The following ASRGL1 variants were observed in gnomAD, a reference collection of about 807,000 sequenced individuals.
ASRGL1 encodes the protein asparaginase and isoaspartyl peptidase 1.
Under a neutral mutation model 22.4 loss-of-function variants are expected in ASRGL1, and 16 were observed. That is an observed-to-expected ratio of 0.71 (90% CI 0.48 to 1.08). The LOEUF is 1.08. Among genes scored for constraint, ASRGL1 ranks in the 50% least tolerant of loss-of-function variants. The pLI is 0.00. For missense variants in ASRGL1, 412 were observed against 410.1 expected, an observed-to-expected ratio of 1.00 and a Z score of -0.04; for synonymous variants, 165 against 159.3, an observed-to-expected ratio of 1.04 and a Z score of -0.27.
intron 4 of ASRGL1, among the ~76,000 whole-genome samples, chr11:62,378,033 T>G (rs1565170800): frequency 1.3e-5 from 2 of 152,202 alleles, no homozygotes; most frequent in African/African-American, 4.8e-5. Flanking sequence ...TTTTACTATT[T>G]AAATCTGGGT....
chr11:62,398,785 C>A, the ASRGL1 span, among the ~76,000 whole-genome samples: 3 of 152,236 alleles, frequency 2.0e-5, no homozygotes, highest in African/African-American at 7.2e-5. Context: ...GTTGTCTTAT[C>A]TCTGGCTTTG....
At chr11:62,347,436 A>C (rs114863445) in intron 2 of ASRGL1, among the ~76,000 whole-genome samples, 1 of 152,148 alleles carries the variant, frequency 6.6e-6, no homozygotes, top group Admixed American at 6.5e-5. Flanking sequence ...TTCCCTGGCA[A>C]CCAGCTCCCC....
chr11:62,386,289 T>C (rs1424239281), intron 4 of ASRGL1, among the ~76,000 whole-genome samples: 2 of 152,210 alleles, frequency 1.3e-5, no homozygotes, highest in Non-Finnish European at 2.9e-5. Flanking sequence ...GCGGTTTCAC[T>C]TTCTGTGCTT....
At position 62,365,074 on chromosome 11, in the gene ASRGL1, A is replaced by G. The variant is rs865833553; in HGVS notation, c.491+7930A>G. ...ACAAGCAAAACTCCATCTCAAAAAAAAAAAAAAAGAAAGAAACATTGAATA... is the reference window on the plus strand; with the variant it reads ...ACAAGCAAAACTCCATCTCAAAAAAGAAAAAAAAGAAAGAAACATTGAATA... On this transcript the variant is annotated intron_variant, in intron 4 of 6. Transcript: ENST00000415229. 5.3e-4 allele frequency among the ~76,000 whole-genome samples: 80 copies of G among 151,890 alleles called. No individual in the cohort carries two copies. In the Middle Eastern group the frequency reaches 0.014, roughly 26 times the overall value.
intron 4 of ASRGL1, among the ~76,000 whole-genome samples, chr11:62,385,848 G>A (rs769381199): frequency 2.7e-4 from 41 of 151,396 alleles, no homozygotes; most frequent in Non-Finnish European, 5.6e-4. Flanking sequence ...TGGGCAACAA[G>A]AGCAAAACTC....
At chr11:62,351,911 C>T (rs1197731318) in intron 2 of ASRGL1, among the ~76,000 whole-genome samples, 1 of 152,158 alleles carries the variant, frequency 6.6e-6, no homozygotes, top group Non-Finnish European at 1.5e-5. Flanking sequence ...TGGGCTCAAG[C>T]ACTTCTCTTA....
chr11:62,371,823 G>A (rs1184144102), intron 4 of ASRGL1: 1 of 506,956 alleles, frequency 2.0e-6, no homozygotes, highest in Non-Finnish European at 3.6e-6. Flanking sequence ...GCGTGGTGGC[G>A]GGCTCCTGTA....
chr11:62,372,300 A>G, intron 4 of ASRGL1: 1 of 1,603,034 alleles, frequency 6.2e-7, no homozygotes, highest in South Asian at 1.1e-5. Flanking sequence ...GGAAAACAAG[A>G]TGGGGCAGCT....
At chr11:62,343,465 C>A (rs1018010531) in intron 2 of ASRGL1, among the ~76,000 whole-genome samples, 2 of 151,582 alleles carry the variant, frequency 1.3e-5, no homozygotes, top group Admixed American at 1.3e-4. Context: ...GGGCGCAGCT[C>A]ATGCCTGTAA....
chr11:62,368,378 A>G (rs890089343), intron 4 of ASRGL1, among the ~76,000 whole-genome samples: 2 of 152,134 alleles, frequency 1.3e-5, no homozygotes, highest in Admixed American at 1.3e-4. Flanking sequence ...ACACTTGTGT[A>G]TGCTTTTTTG....
At position 62,391,578 on chromosome 11, in the gene ASRGL1, GA is replaced by G. The variant is rs1369394568; in HGVS notation, c.670del (p.Ser224AlafsTer3). ...IGAVSTTGHG[E>X]SILKVNLARL... ...AGCCGTCTCAACCACAGGGCATGGGGAAAGCATCCTGAAGGTGAACCTGGCT... is the reference window on the plus strand; with the variant it reads ...AGCCGTCTCAACCACAGGGCATGGGGAAGCATCCTGAAGGTGAACCTGGCT... On this transcript the variant is annotated frameshift_variant, in exon 6 of 7. Transcript: ENST00000415229. LOFTEE classifies it high-confidence loss of function. The G allele has an allele frequency of 6.2e-7, 1 of 1,612,682 alleles. No individual in the cohort carries two copies. The highest frequency in any genetic ancestry group is 8.5e-7 in the Non-Finnish European group (1 of 1,179,520).
In ASRGL1 at chr11:62,392,275, C is replaced by T. The variant is rs372132075; in HGVS notation, c.918C>T (p.Asp306=). The change falls in exon 7 of 7, where the codon GAC becomes GAT. Residue 306 remains aspartate (D), a synonymous_variant. Coordinates refer to ENST00000415229, the MANE Select transcript of ASRGL1 (RefSeq NM_001083926.2). ...GIDPDDTTIT[D]LP Reference sequence around the variant, plus strand: ...ATCCTGACGATACTACTATCACCGACCTTCCCTAAGCCGCTGGAAGATTGT... The same window carrying T: ...ATCCTGACGATACTACTATCACCGATCTTCCCTAAGCCGCTGGAAGATTGT... 1.1e-5 allele frequency: 18 copies of T among 1,613,646 alleles called. No homozygotes were observed. In the African/African-American group the frequency reaches 2.4e-4, roughly 22 times the overall value.
intron 2 of ASRGL1, among the ~76,000 whole-genome samples, chr11:62,344,191 T>C (rs1945952138): frequency 6.6e-6 from 1 of 152,154 alleles, no homozygotes; most frequent in Non-Finnish European, 1.5e-5. Flanking sequence ...CCACTGCGCT[T>C]GGCCTGTCGT....
intron 2 of ASRGL1, among the ~76,000 whole-genome samples, chr11:62,348,427 G>A (rs1173679686): frequency 6.6e-6 from 1 of 152,142 alleles, no homozygotes; most frequent in Non-Finnish European, 1.5e-5. Context: ...GTCATGGCCG[G>A]GCGTGGTGAC....
At chr11:62,362,254 A>G (rs1482367340) in intron 4 of ASRGL1, among the ~76,000 whole-genome samples, 1 of 151,628 alleles carries the variant, frequency 6.6e-6, no homozygotes, top group Admixed American at 6.6e-5. Flanking sequence ...CCCTATAACA[A>G]GTCTCAGGTG....
chr11:62,348,524 G>A (rs1007341787), intron 2 of ASRGL1, among the ~76,000 whole-genome samples: 5 of 151,968 alleles, frequency 3.3e-5, no homozygotes, highest in South Asian at 2.1e-4. Context: ...GCCAACATGC[G>A]AAACCCCGTC....
At chr11:62,373,625 G>A (rs1431667294) in intron 4 of ASRGL1, among the ~76,000 whole-genome samples, 2 of 152,212 alleles carry the variant, frequency 1.3e-5, no homozygotes, top group Non-Finnish European at 2.9e-5. Context: ...CGAAGTCGCC[G>A]GCCCACCTCC....
chr11:62,353,942 A>T (rs960505420), intron 2 of ASRGL1, among the ~76,000 whole-genome samples: 1 of 152,196 alleles, frequency 6.6e-6, no homozygotes, highest in African/African-American at 2.4e-5. Flanking sequence ...TAAGCCACAC[A>T]CCTGGATTTG....
Position 62,392,190 on chromosome 11 carries a change from G to A in ASRGL1, c.833G>A (p.Trp278Ter), listed in dbSNP as rs761883995. ...VSKTGDWVAK[W>*]TSTSMPWAAA... ...AAAACAGGAGACTGGGTGGCAAAGT[G>A]GACCTCCACCTCCATGCCCTGGGCA... Residue 278 changes from tryptophan (W) to a stop codon, truncating the protein, a stop_gained, in exon 7 of 7, where the codon TGG (tryptophan) becomes TAG (stop). Coordinates refer to ENST00000415229, the MANE Select transcript of ASRGL1 (RefSeq NM_001083926.2). LOFTEE classifies it low-confidence loss of function (END_TRUNC). 1 of 1,614,068 alleles carries A rather than the reference G, an allele frequency of 6.2e-7. No individual in the cohort carries two copies. The highest frequency in any genetic ancestry group is 8.5e-7 in the Non-Finnish European group (1 of 1,180,034).
Sources: allele counts gnomAD v4.1 joint callset (sites outside exome capture counted in the v4.1 genomes callset), GRCh38; gene constraint gnomAD v4.1.1; transcripts MANE v1.5; gene names NCBI Gene and HGNC (gene_info 2026-07-23, HGNC 2026-07-21).